The following ZC3H12D variants were observed in gnomAD, a reference collection of about 807,000 sequenced individuals.
The protein encoded by ZC3H12D is probable ribonuclease ZC3H12D.
A neutral mutation model predicts 24.2 loss-of-function variants in ZC3H12D; 11 were observed. The observed-to-expected ratio is 0.46, with a 90% confidence interval of 0.29 to 0.75. The LOEUF is 0.75. Among genes scored for constraint, ZC3H12D ranks in the 30% least tolerant of loss-of-function variants. ZC3H12D has a pLI of 0.11. For missense variants in ZC3H12D, 740 were observed against 767.7 expected (o/e 0.96, Z 0.43); for synonymous variants, 333 against 341.8 (o/e 0.97, Z 0.28).
At chr6:149,453,100 C>A (rs1212235719) in intron 4 of ZC3H12D, among the ~76,000 whole-genome samples, 10 of 129,224 alleles carry the variant, frequency 7.7e-5, no homozygotes, top group Admixed American at 5.1e-4. Context: ...GCCTGGACAA[C>A]ATAGTGAAAC....
chr6:149,474,656 G>A, intron 1 of ZC3H12D, 43 bp from the exon 2 acceptor site: 1 of 1,071,068 alleles, frequency 9.3e-7, no homozygotes, highest in Non-Finnish European at 1.2e-6. Flanking sequence ...TTCCTGGGCA[G>A]ACTGGGGCAA....
At position 149,461,938 on chromosome 6, in the gene ZC3H12D, C is replaced by T. The variant is rs1260113476; in HGVS notation, c.338G>A (p.Gly113Glu). 1.9e-6 allele frequency: 3 copies of T among 1,612,072 alleles called. No individual in the cohort carries two copies. Among genetic ancestry groups the T allele is most frequent in the Non-Finnish European group, 1.7e-6 (2 of 1,179,190 alleles). Residue 113 changes from glycine (G) to glutamate (E), a missense_variant, in exon 3 of 6, where the codon GGA becomes GAA. Transcript: ENST00000409806. ...HGNKETFSCR[G>E]IKLAVDWFRD... is the part of the protein sequence containing the mutation. ...GAACCAGTCAACAGCCAGCTTGATT[C>T]CCCGGCAAGAGAAGGTTTCTTTATT...
chr6:149,459,792 C>T (rs772724361), intron 3 of ZC3H12D: 24 of 695,868 alleles, frequency 3.4e-5, no homozygotes, highest in Admixed American at 1.0e-4. Flanking sequence ...TGGGCAGAGG[C>T]GCCAGGCTGC....
At chr6:149,480,207 C>CA (rs1776403316) in intron 1 of ZC3H12D, among the ~76,000 whole-genome samples, 2 of 152,124 alleles carry the variant, frequency 1.3e-5, no homozygotes, top group African/African-American at 2.4e-5. Flanking sequence ...AGAAAATAGA[C>CA]AAAAAACATT....
chr6:149,458,489 T>C (rs866298729), intron 3 of ZC3H12D, among the ~76,000 whole-genome samples: 2 of 152,176 alleles, frequency 1.3e-5, no homozygotes, highest in East Asian at 3.8e-4. Flanking sequence ...GGAATCATAC[T>C]ATACATATAC....
intron 3 of ZC3H12D, among the ~76,000 whole-genome samples, chr6:149,457,453 G>T (rs1776002557): frequency 6.6e-6 from 1 of 152,196 alleles, no homozygotes; most frequent in Non-Finnish European, 1.5e-5. Flanking sequence ...CAGATACAGG[G>T]ACTCAAGAAC....
intron 1 of ZC3H12D, among the ~76,000 whole-genome samples, chr6:149,476,570 G>A (rs543624284): frequency 6.6e-6 from 1 of 152,130 alleles, no homozygotes; most frequent in Non-Finnish European, 1.5e-5. Context: ...TACCCTGGGG[G>A]GCCGAGGCAG....
rs768463533 is a variant in ZC3H12D at position 149,451,404 on chromosome 6, G to T, written c.863C>A (p.Ala288Asp). The change falls in exon 6 of 6, where the codon GCC (alanine) becomes GAC (aspartate). Residue 288 changes from alanine to aspartate, a missense_variant. Physicochemically the swap from Ala to Asp is moderately radical, Grantham distance 126. Coordinates refer to ENST00000409806, the MANE Select transcript of ZC3H12D (RefSeq NM_207360.3). ...ERPHHAQLAV[A>D]DELRAKTGAR... Reference sequence around the variant, plus strand: ...CCCTGTCTTGGCGCGGAGCTCGTCGGCCACCGCCAGTTGCGCGTGGTGCGG... The same window carrying T: ...CCCTGTCTTGGCGCGGAGCTCGTCGTCCACCGCCAGTTGCGCGTGGTGCGG... 6.4e-7 allele frequency: 1 copy of T among 1,567,374 alleles called. No individual in the cohort carries two copies. Among genetic ancestry groups the T allele is most frequent in the South Asian group, 1.1e-5 (1 of 88,980 alleles).
At position 149,450,832 on chromosome 6, in the gene ZC3H12D, C is replaced by A. The variant is rs1303005641; in HGVS notation, c.1435G>T (p.Ala479Ser). 5 of 1,545,992 alleles carry A rather than the reference C, an allele frequency of 3.2e-6. No individual in the cohort carries two copies. The highest frequency in any genetic ancestry group is 2.0e-5 in the Admixed American group (1 of 50,964). The change falls in exon 6 of 6, where the codon GCC (alanine) becomes TCC (serine). Residue 479 changes from alanine to serine, a missense_variant. By Grantham distance (99) the Ala-to-Ser change is moderately conservative. Coordinates refer to ENST00000409806, the MANE Select transcript of ZC3H12D (RefSeq NM_207360.3). The stretch of plus-strand genomic sequence containing the variant: ...CTGTAGAGCGCGATGCGAGCCCGGG[C>A]GCGCGCGTCCCCCTCGTCGTCCTCG... ...ATEDDEGDAR[A>S]RARIALYSVF...
chr6:149,478,438 T>C (rs537409495), intron 1 of ZC3H12D, among the ~76,000 whole-genome samples: 1 of 152,302 alleles, frequency 6.6e-6, no homozygotes, highest in African/African-American at 2.4e-5. Flanking sequence ...CATGAAGATA[T>C]GTCATTTATG....
intron 2 of ZC3H12D, among the ~76,000 whole-genome samples, chr6:149,465,901 G>C (rs1776153921): frequency 7.4e-6 from 1 of 134,650 alleles, no homozygotes; most frequent in Admixed American, 7.4e-5. Flanking sequence ...CATAGGGGAG[G>C]GGGAGATGGA....
In ZC3H12D at chr6:149,463,664, G is replaced by A. The variant is rs192206886; in HGVS notation, c.306-1694C>T. 1.3e-3 allele frequency among the ~76,000 whole-genome samples: 193 copies of A among 152,314 alleles called. 1 individual carries two copies. The highest frequency in any genetic ancestry group is 2.0e-3 in the Non-Finnish European group (138 of 68,026). On this transcript the variant is annotated intron_variant, in intron 2 of 5. Coordinates refer to ENST00000409806, the MANE Select transcript of ZC3H12D (RefSeq NM_207360.3). ...GCGGAGGTTGTAGTGAGCCGAGATCGCGCCACTGCACTCCAGCTTGGGCGA... is the reference window on the plus strand; with the variant it reads ...GCGGAGGTTGTAGTGAGCCGAGATCACGCCACTGCACTCCAGCTTGGGCGA...
intron 5 of ZC3H12D, chr6:149,451,984 G>C (rs1775906119): frequency 6.5e-6 from 1 of 153,446 alleles, no homozygotes; most frequent in Non-Finnish European, 1.5e-5. Flanking sequence ...TTCTAACAGA[G>C]TCGTGAACAA....
At chr6:149,474,683 C>A (rs776866287) in intron 1 of ZC3H12D, 70 bp from the exon 2 acceptor site, 5 of 720,828 alleles carry the variant, frequency 6.9e-6, no homozygotes, top group Non-Finnish European at 9.9e-6. Context: ...GGTGTGCCTG[C>A]GCTGGCTCCC....
At chr6:149,468,238 C>T (rs1776191654) in intron 2 of ZC3H12D, among the ~76,000 whole-genome samples, 1 of 152,284 alleles carries the variant, frequency 6.6e-6, no homozygotes, top group East Asian at 1.9e-4. Flanking sequence ...GCCTTGGCCT[C>T]CCAAAGTGCT....
chr6:149,482,309 G>GTGA lies in ZC3H12D; in HGVS notation c.-71+2501_-71+2503dup, dbSNP rs1314848276. Among the ~76,000 whole-genome samples the GTGA allele has an allele frequency of 2.6e-5, 4 of 152,376 alleles. No individual in the cohort carries two copies. In the South Asian group the frequency reaches 6.2e-4, roughly 24 times the overall value. On this transcript the variant is annotated intron_variant, in intron 1 of 5. Coordinates refer to ENST00000409806, the MANE Select transcript of ZC3H12D (RefSeq NM_207360.3). Reference sequence around the variant, plus strand: ...TGGAGCCGCAGCCTTCCCCCGGGACGTGATGGTCTCTGAGCTGCAGCTCTG... The same window carrying GTGA: ...TGGAGCCGCAGCCTTCCCCCGGGACGTGATGATGGTCTCTGAGCTGCAGCTCTG...
In ZC3H12D at chr6:149,450,570, A is replaced by G; in HGVS notation, c.*113T>C. On this transcript the variant is annotated 3_prime_UTR_variant, in exon 6 of 6. Transcript: ENST00000409806. ...AGCAGGCTTCCCTGACCATCTTTAA[A>G]GAAAAGGGGGCACCATGATGGGCCC... 1.8e-6 allele frequency: 2 copies of G among 1,120,344 alleles called. No homozygotes were observed. Among genetic ancestry groups the G allele is most frequent in the Non-Finnish European group, 2.4e-6 (2 of 822,262 alleles). 69.4% of individuals were successfully genotyped at this position (1,120,344 alleles called of 1,614,324 possible).
At chr6:149,459,882 T>C (rs1005412606) in intron 3 of ZC3H12D, among the ~76,000 whole-genome samples, 2 of 150,480 alleles carry the variant, frequency 1.3e-5, no homozygotes, top group African/African-American at 2.5e-5. Context: ...CAGGGAGAAG[T>C]TTTCATACTA....
intron 2 of ZC3H12D, 70 bp from the exon 3 acceptor site, chr6:149,462,040 T>G: frequency 6.6e-7 from 1 of 1,526,442 alleles, no homozygotes; most frequent in African/African-American, 1.4e-5. Flanking sequence ...CCTGCGAATA[T>G]CCTGGATCAC....
Sources: gnomAD v4.1 joint callset for allele counts (sites outside exome capture counted in the v4.1 genomes callset) on GRCh38, gnomAD v4.1.1 for gene constraint, MANE v1.5 for transcripts, NCBI Gene and HGNC (gene_info 2026-07-23, HGNC 2026-07-21) for gene names.